ADCY10: variants seen among roughly 807,000 people sequenced by gnomAD.
ADCY10 encodes adenylate cyclase type 10.
ADCY10 carries 156 observed loss-of-function variants against 183.3 expected under a neutral mutation model. That is an observed-to-expected ratio of 0.85 (90% CI 0.75 to 0.97). The LOEUF (loss-of-function observed/expected upper bound fraction) is 0.97. Ranked by LOEUF, ADCY10 falls within the 50% of genes least tolerant of loss-of-function variation. The pLI, the probability that ADCY10 is intolerant of heterozygous loss-of-function variation, is 0.00. For missense variants in ADCY10, 1,745 were observed against 1,934.3 expected, an observed-to-expected ratio of 0.90 and a Z score of 1.84; for synonymous variants, 645 against 670.0, an observed-to-expected ratio of 0.96 and a Z score of 0.58.
At chr1:167,911,579 TG>T (rs780023557) in intron 1 of ADCY10, among the ~76,000 whole-genome samples, 1 of 152,216 alleles carries the variant, frequency 6.6e-6, no homozygotes, top group Non-Finnish European at 1.5e-5. Context: ...AAATACAGAA[TG>T]TGAGGTCCTG....
At chr1:167,820,745 T>C (rs1208010532) in intron 30 of ADCY10, 1 of 152,288 alleles carries the variant, frequency 6.6e-6, no homozygotes, top group Admixed American at 6.5e-5. Flanking sequence ...GAGACCAGCC[T>C]GGGCAACATC....
At chr1:167,889,945 C>G (rs203858) in intron 8 of ADCY10, among the ~76,000 whole-genome samples, 1 of 151,964 alleles carries the variant, frequency 6.6e-6, no homozygotes, top group Non-Finnish European at 1.5e-5. Flanking sequence ...GTTAACATGG[C>G]TGAAAGTTTC....
intron 11 of ADCY10, among the ~76,000 whole-genome samples, 179 bp downstream of exon 11, chr1:167,879,936 C>T (rs780895547): frequency 1.3e-5 from 2 of 152,188 alleles, no homozygotes; most frequent in Non-Finnish European, 2.9e-5. Flanking sequence ...ATACATAGCC[C>T]CAGAAATGCA....
intron 21 of ADCY10, among the ~76,000 whole-genome samples, chr1:167,845,356 AGT>A (rs1664927072): frequency 1.3e-5 from 2 of 152,218 alleles, no homozygotes; most frequent in South Asian, 4.2e-4. Context: ...TGACAGTTAT[AGT>A]GAGATTGGTT....
intron 13 of ADCY10, among the ~76,000 whole-genome samples, chr1:167,872,863 A>T (rs1163835050): frequency 6.6e-6 from 1 of 151,196 alleles, no homozygotes; most frequent in Non-Finnish European, 1.5e-5. Flanking sequence ...CGAGATCAGG[A>T]GTTCAAGACC....
At chr1:167,839,027 C>T (rs942588056) in intron 21 of ADCY10, among the ~76,000 whole-genome samples, 8 of 152,236 alleles carry the variant, frequency 5.3e-5, no homozygotes, top group African/African-American at 1.7e-4. Flanking sequence ...ATCTTCACTA[C>T]AGCACCACCT....
chr1:167,877,311 C>T (rs1667541270), intron 12 of ADCY10, among the ~76,000 whole-genome samples: 1 of 150,828 alleles, frequency 6.6e-6, no homozygotes, highest in Non-Finnish European at 1.5e-5. Flanking sequence ...TAAGTACTCA[C>T]TAAAAATTAT....
intron 1 of ADCY10, among the ~76,000 whole-genome samples, chr1:167,910,058 C>T (rs895486231): frequency 9.9e-5 from 15 of 152,256 alleles, no homozygotes; most frequent in Non-Finnish European, 1.9e-4. Flanking sequence ...TTAAAAGGGC[C>T]AGGAACTGTT....
intron 21 of ADCY10, among the ~76,000 whole-genome samples, chr1:167,840,502 G>A (rs933292708): frequency 1.3e-5 from 2 of 151,788 alleles, no homozygotes; most frequent in African/African-American, 2.4e-5. Flanking sequence ...GACTATAGGC[G>A]TGTCCCACCA....
At position 167,833,175 on chromosome 1, in the gene ADCY10, G is replaced by A. The variant is rs1342965810; in HGVS notation, c.3418-13C>T. On this transcript the variant is annotated splice_polypyrimidine_tract_variant and intron_variant, in intron 24 of 32. Coordinates refer to ENST00000367851, the MANE Select transcript of ADCY10 (RefSeq NM_018417.6). ...TATTGAAACAGACCTACAGGGAGGTGGGAGGGAAGAGAGGAAAAGAGGAAA... is the reference window on the plus strand; with the variant it reads ...TATTGAAACAGACCTACAGGGAGGTAGGAGGGAAGAGAGGAAAAGAGGAAA... 5 of 1,613,160 alleles carry A rather than the reference G, an allele frequency of 3.1e-6. No homozygotes were observed. Among genetic ancestry groups the A allele is most frequent in the African/African-American group, 2.7e-5 (2 of 75,010 alleles).
At chr1:167,838,096 C>T (rs1367791872) in intron 21 of ADCY10, among the ~76,000 whole-genome samples, 2 of 152,236 alleles carry the variant, frequency 1.3e-5, no homozygotes, top group East Asian at 1.9e-4. Context: ...GGCTCCCAGG[C>T]TAATGCATTA....
chr1:167,854,588 C>T (rs1558190367), intron 17 of ADCY10, 99 bp from the exon 18 acceptor site: 23 of 1,434,414 alleles, frequency 1.6e-5, no homozygotes, highest in Non-Finnish European at 2.1e-5. Flanking sequence ...AATTTCTTGT[C>T]ATTCTTCATT....
chr1:167,879,230 T>A (rs1030636252), intron 11 of ADCY10, among the ~76,000 whole-genome samples: 3 of 152,146 alleles, frequency 2.0e-5, no homozygotes, highest in Non-Finnish European at 2.9e-5. Flanking sequence ...GCCTCCATTC[T>A]CTAACCTATA....
intron 14 of ADCY10, 21 bp downstream of exon 14, chr1:167,870,236 C>A: frequency 2.5e-6 from 4 of 1,613,762 alleles, no homozygotes; most frequent in Non-Finnish European, 3.4e-6. Flanking sequence ...TCACACAGAA[C>A]AATCATTCCA....
chr1:167,888,794 T>A (rs1371667163), intron 8 of ADCY10, among the ~76,000 whole-genome samples: 2 of 104,830 alleles, frequency 1.9e-5, no homozygotes, highest in African/African-American at 7.8e-5. Flanking sequence ...GAGAATAGAG[T>A]GAACCCGGGA....
At chr1:167,838,643 C>T (rs187660196) in intron 21 of ADCY10, among the ~76,000 whole-genome samples, 2 of 152,364 alleles carry the variant, frequency 1.3e-5, no homozygotes, top group South Asian at 2.1e-4. Flanking sequence ...GCAGTTTCAT[C>T]TGCCCATGAC....
intron 2 of ADCY10, chr1:167,904,501 T>TAA: frequency 4.3e-6 from 1 of 234,112 alleles, no homozygotes; most frequent in Non-Finnish European, 8.3e-6. Context: ...AGGCTCCAGA[T>TAA]ATTTCTTTCT....
rs978498652 is a variant in ADCY10, at chr1:167,854,458, A to G, written c.2203T>C (p.Phe735Leu). The G allele has an allele frequency of 3.7e-6, 6 of 1,614,072 alleles. No individual in the cohort carries two copies. The highest frequency in any genetic ancestry group is 5.1e-6 in the Non-Finnish European group (6 of 1,180,046). Residue 735 changes from phenylalanine to leucine, a missense_variant, in exon 18 of 33, where the codon TTT becomes CTT. Transcript: ENST00000367851. The part of the protein sequence containing the change: ...YLGEGSCGIP[F>L]YCEELLKNLE... ...TTTTTAAGCAATTCTTCACAGTAAA[A>G]TGGAATCCCACAGCTTCCCTCCCCC...
chr1:167,901,501 G>A lies in ADCY10; in HGVS notation c.436+161C>T, dbSNP rs376937880. ...CCAAATTCTCTCAACTGGTATGTGA[G>A]GAAGCCAAAATTCACATTCTGATTG... On this transcript the variant is annotated intron_variant, in intron 5 of 32. Transcript: ENST00000367851. Among the ~76,000 whole-genome samples the A allele has an allele frequency of 6.6e-5, 10 of 152,254 alleles. No individual in the cohort carries two copies. The East Asian group carries it at 1.2e-3, about 18-fold the overall frequency.
Sources: allele counts gnomAD v4.1 joint callset (sites outside exome capture counted in the v4.1 genomes callset), GRCh38; gene constraint gnomAD v4.1.1; transcripts MANE v1.5; gene names NCBI Gene and HGNC (gene_info 2026-07-23, HGNC 2026-07-21).